UNC13C: variants seen among roughly 807,000 people sequenced by gnomAD.
UNC13C encodes protein unc-13 homolog C.
UNC13C carries 174 observed loss-of-function variants against 245.4 expected under a neutral mutation model. The observed-to-expected ratio is 0.71, with a 90% CI of 0.63 to 0.80. The LOEUF is 0.80. Ranked by LOEUF, UNC13C falls within the 30% of genes least tolerant of loss-of-function variation. The pLI is 0.00. For missense variants in UNC13C, 2,829 were observed against 2,602.9 expected, an observed-to-expected ratio of 1.09 and a Z score of -1.89; for synonymous variants, 992 against 895.1, an observed-to-expected ratio of 1.11 and a Z score of -1.93.
intron 1 of UNC13C, among the ~76,000 whole-genome samples, chr15:53,986,247 C>T (rs559994208): frequency 4.6e-5 from 7 of 152,046 alleles, no homozygotes; most frequent in African/African-American, 1.4e-4. Flanking sequence ...CTTGTTTGAA[C>T]TTGAAATGGG....
intron 17 of UNC13C, among the ~76,000 whole-genome samples, chr15:54,358,765 A>G (rs2039158312): frequency 6.6e-6 from 1 of 151,938 alleles, no homozygotes; most frequent in Non-Finnish European, 1.5e-5. Flanking sequence ...TCAAACAGGG[A>G]TAATTTGACT....
chr15:54,590,625 T>C (rs979481043), intron 30 of UNC13C, among the ~76,000 whole-genome samples: 3 of 152,214 alleles, frequency 2.0e-5, no homozygotes, highest in African/African-American at 7.2e-5. Flanking sequence ...GAGCTACTGA[T>C]TTGTGTACAT....
At chr15:54,346,689 A>C (rs538981791) in intron 17 of UNC13C, among the ~76,000 whole-genome samples, 1 of 152,320 alleles carries the variant, frequency 6.6e-6, no homozygotes, top group East Asian at 1.9e-4. Context: ...CTGGCTCTGC[A>C]CTCGGTAGGT....
At chr15:54,003,238 AAAC>A (rs1894978276) in intron 1 of UNC13C, among the ~76,000 whole-genome samples, 2 of 152,338 alleles carry the variant, frequency 1.3e-5, no homozygotes, top group Middle Eastern at 3.4e-3. Context: ...ATAAAAATCA[AAAC>A]AAAACAATAC....
At chr15:54,591,294 C>T (rs568595953) in intron 30 of UNC13C, among the ~76,000 whole-genome samples, 73 of 151,674 alleles carry the variant, frequency 4.8e-4, no homozygotes, top group African/African-American at 1.8e-3. Context: ...TAGGGTGATG[C>T]TGGCTTCACA....
chr15:54,269,426 G>C (rs923597022), intron 10 of UNC13C, among the ~76,000 whole-genome samples: 19 of 152,160 alleles, frequency 1.2e-4, no homozygotes, highest in African/African-American at 3.4e-4. Context: ...AGCCAACATA[G>C]GGCATGTCAA....
chr15:54,398,087 G>T (rs2040107828), intron 18 of UNC13C, among the ~76,000 whole-genome samples: 1 of 151,248 alleles, frequency 6.6e-6, no homozygotes, highest in Admixed American at 6.6e-5. Context: ...TTAACTAACT[G>T]TTTTTCATGG....
intron 19 of UNC13C, among the ~76,000 whole-genome samples, chr15:54,454,974 C>A (rs1473400801): frequency 6.6e-6 from 1 of 151,328 alleles, no homozygotes; most frequent in Non-Finnish European, 1.5e-5. Context: ...CACCCTTGCC[C>A]CCAAGTCTCC....
chr15:53,848,580 A>G, the UNC13C span, among the ~76,000 whole-genome samples: 2 of 152,238 alleles, frequency 1.3e-5, no homozygotes, highest in East Asian at 3.9e-4. Context: ...TGCATTTGAA[A>G]AGAAACTATA....
At chr15:54,076,528 T>C (rs13313439) in intron 2 of UNC13C, among the ~76,000 whole-genome samples, 2,346 of 152,186 alleles carry the variant, frequency 0.015, 67 homozygotes, top group African/African-American at 0.055. Flanking sequence ...CATTTATAAA[T>C]GTGGGAAACA....
Position 54,552,670 on chromosome 15 carries a change from T to A in UNC13C, c.5878-2762T>A, listed in dbSNP as rs560148369. Among the ~76,000 whole-genome samples the A allele has an allele frequency of 5.4e-3, 402 of 74,938 alleles. 2 individuals are homozygous for A. Among genetic ancestry groups the A allele is most frequent in the Non-Finnish European group, 6.3e-3 (313 of 49,736 alleles). The allele number at this position is 74,938 out of a possible 152,430, so 49.2% of individuals were successfully genotyped here. A position where few individuals can be genotyped will look rare whatever the true frequency, so the allele number is the denominator to read the frequency against. On this transcript the variant is annotated intron_variant, in intron 28 of 32. Coordinates refer to ENST00000260323, the MANE Select transcript of UNC13C (RefSeq NM_001080534.3). ...ATTATATAATTATATTATATTGTAC[T>A]ATATAATATAATTATATAATTATAT...
intron 2 of UNC13C, among the ~76,000 whole-genome samples, chr15:54,133,419 T>C (rs2031546506): frequency 6.6e-6 from 1 of 152,142 alleles, no homozygotes; most frequent in African/African-American, 2.4e-5. Flanking sequence ...GAGTAAATAT[T>C]TTATCAGTTT....
At chr15:54,042,515 C>T (rs535334666) in intron 2 of UNC13C, among the ~76,000 whole-genome samples, 1 of 152,304 alleles carries the variant, frequency 6.6e-6, no homozygotes, top group East Asian at 1.9e-4. Context: ...ATGGTAACCA[C>T]ATGTCACCTG....
chr15:54,100,421 C>T (rs878891534), intron 2 of UNC13C, among the ~76,000 whole-genome samples: 23 of 152,176 alleles, frequency 1.5e-4, no homozygotes, highest in African/African-American at 4.8e-4. Flanking sequence ...TCCTACCTCA[C>T]GGGCCATTCC....
intron 7 of UNC13C, among the ~76,000 whole-genome samples, chr15:54,248,711 C>T (rs1400672812): frequency 6.6e-6 from 1 of 152,186 alleles, no homozygotes; most frequent in African/African-American, 2.4e-5. Context: ...TACTGCTGCT[C>T]TGTAGACTCA....
intron 29 of UNC13C, among the ~76,000 whole-genome samples, chr15:54,561,253 T>C (rs1009955542): frequency 3.3e-5 from 5 of 151,890 alleles, no homozygotes; most frequent in African/African-American, 1.2e-4. Flanking sequence ...CTAGTCCAGA[T>C]TAAAAGCTGA....
chr15:53,880,198 A>C, the UNC13C span, among the ~76,000 whole-genome samples: 148,724 of 152,180 alleles, frequency 0.98, 72,743 homozygotes, highest in Middle Eastern at 1. Flanking sequence ...TTCTAGTGCT[A>C]TTTTTGCTAC....
At chr15:54,353,182 T>C (rs2039021981) in intron 17 of UNC13C, among the ~76,000 whole-genome samples, 1 of 152,276 alleles carries the variant, frequency 6.6e-6, no homozygotes, top group African/African-American at 2.4e-5. Flanking sequence ...AGTATCCTCA[T>C]GGGACTCTAG....
chr15:53,988,221 A>T (rs1217993645), intron 1 of UNC13C, among the ~76,000 whole-genome samples: 2 of 152,074 alleles, frequency 1.3e-5, no homozygotes, highest in Non-Finnish European at 2.9e-5. Context: ...GGAAGGAAGA[A>T]ACCCTGGTGA....
Sources: gnomAD v4.1 joint callset for allele counts (sites outside exome capture counted in the v4.1 genomes callset) on GRCh38, gnomAD v4.1.1 for gene constraint, MANE v1.5 for transcripts, NCBI Gene and HGNC (gene_info 2026-07-23, HGNC 2026-07-21) for gene names.